Variants in ZNF91 observed in about 807,000 individuals in gnomAD.
ZNF91 encodes the protein zinc finger protein 91, also known as zinc finger protein 91 (HPF7, HTF10).
In ZNF91, 7 loss-of-function variants were observed where a neutral mutation model predicts 12.6. The ratio of observed to expected loss-of-function variants is 0.55; its 90% CI spans 0.31 to 1.04. The LOEUF (loss-of-function observed/expected upper bound fraction) is 1.04. ZNF91 is among the 50% of genes least tolerant of loss of function. ZNF91 has a pLI of 0.05. For missense variants in ZNF91, 1,217 were observed against 1,385.4 expected, an observed-to-expected ratio of 0.88 and a Z score of 1.93; for synonymous variants, 453 against 462.6, an observed-to-expected ratio of 0.98 and a Z score of 0.27.
intron 3 of ZNF91, among the ~76,000 whole-genome samples, chr19:23,368,562 C>CTCTCTCTCTCTATATATA (rs768532900): frequency 1.7e-5 from 2 of 118,632 alleles, no homozygotes; most frequent in African/African-American, 6.6e-5. Flanking sequence ...CTCTCTCTCT[C>CTCTCTCTCTCTATATATA]TATATATATA....
At chr19:23,386,997 T>C (rs1419953597) in intron 1 of ZNF91, among the ~76,000 whole-genome samples, 1 of 152,046 alleles carries the variant, frequency 6.6e-6, no homozygotes, top group African/African-American at 2.4e-5. Flanking sequence ...ACAAGAAACA[T>C]GAAAAAGATG....
chr19:23,327,636 TCTAA>T (rs1365348049), intron 1 of ZNF91: 1 of 152,220 alleles, frequency 6.6e-6, no homozygotes, highest in Non-Finnish European at 1.5e-5. Context: ...GACATAAGAT[TCTAA>T]CTTAGTTTCA....
upstream of ZNF91, among the ~76,000 whole-genome samples, chr19:23,311,940 G>C (rs1967479128): frequency 1.3e-5 from 2 of 151,624 alleles, no homozygotes; most frequent in Admixed American, 6.6e-5. Flanking sequence ...CATCACTGGA[G>C]CCAGCAGTAG....
upstream of ZNF91, among the ~76,000 whole-genome samples, chr19:23,315,144 TTGAC>T (rs1449837351): frequency 1.3e-5 from 2 of 152,214 alleles, no homozygotes; most frequent in Admixed American, 6.5e-5. Context: ...GTAACTCTCT[TTGAC>T]TGCTTAGCCT....
intron 1 of ZNF91, among the ~76,000 whole-genome samples, chr19:23,386,486 G>A (rs900965344): frequency 1.3e-5 from 2 of 152,014 alleles, no homozygotes; most frequent in African/African-American, 4.8e-5. Context: ...AACAGAATAG[G>A]GAGCCCAGAA....
intron 3 of ZNF91, among the ~76,000 whole-genome samples, chr19:23,369,978 G>A (rs1480714539): frequency 1.5e-5 from 2 of 132,306 alleles, no homozygotes; most frequent in Non-Finnish European, 3.2e-5. Context: ...CCCCCTCTCC[G>A]AGAAACACCC....
At chr19:23,322,732 TTC>T in intron 1 of ZNF91, among the ~76,000 whole-genome samples, 1 of 97,638 alleles carries the variant, frequency 1.0e-5, no homozygotes, top group Non-Finnish European at 2.4e-5. Context: ...TCCTCATCTC[TTC>T]TTCCTCCCCA....
chr19:23,335,225 G>C (rs1453080694), downstream of ZNF91, among the ~76,000 whole-genome samples: 2 of 152,198 alleles, frequency 1.3e-5, no homozygotes, highest in African/African-American at 2.4e-5. Flanking sequence ...TGAGATGTCA[G>C]TTGGCCCCTA....
At chr19:23,385,071 C>T in intron 1 of ZNF91, 3 of 1,022,478 alleles carry the variant, frequency 2.9e-6, no homozygotes, top group Non-Finnish European at 4.6e-6. Context: ...CATCTCAGTC[C>T]AGACAGGGCA....
chr19:23,315,102 G>T (rs1429254275), upstream of ZNF91, among the ~76,000 whole-genome samples: 1 of 152,106 alleles, frequency 6.6e-6, no homozygotes, highest in Non-Finnish European at 1.5e-5. Flanking sequence ...TCCTCTCAGG[G>T]GTCAGGTATT....
intron 1 of ZNF91, chr19:23,385,354 G>C (rs1227704324): frequency 5.4e-6 from 2 of 369,450 alleles, no homozygotes; most frequent in Admixed American, 4.4e-5. Flanking sequence ...ACTAACTGCA[G>C]TTGAACAGAA....
At chr19:23,321,369 T>C (rs1967690991) in intron 1 of ZNF91, among the ~76,000 whole-genome samples, 2 of 152,084 alleles carry the variant, frequency 1.3e-5, no homozygotes, top group African/African-American at 2.4e-5. Context: ...AGAAGGGACA[T>C]TGTGACACAT....
At chr19:23,306,113 A>G (rs1967395060) in intron 3 of ZNF91, among the ~76,000 whole-genome samples, 1 of 152,240 alleles carries the variant, frequency 6.6e-6, no homozygotes, top group Non-Finnish European at 1.5e-5. Flanking sequence ...ACAAAGATGT[A>G]GAAGGTGGAA....
At chr19:23,329,549 C>T (rs1404904626) in intron 1 of ZNF91, among the ~76,000 whole-genome samples, 1 of 152,148 alleles carries the variant, frequency 6.6e-6, no homozygotes, top group Non-Finnish European at 1.5e-5. Flanking sequence ...TGCTGTTTAT[C>T]TACTGGATGC....
chr19:23,355,081 G>A (rs295375), downstream of ZNF91, among the ~76,000 whole-genome samples: 15,786 of 151,926 alleles, frequency 0.1, 1,260 homozygotes, highest in East Asian at 0.37. Flanking sequence ...AAAAACCACC[G>A]TCATTCTTCA....
chr19:23,347,314 A>C (rs1599707061), intron 3 of ZNF91, among the ~76,000 whole-genome samples: 2 of 152,144 alleles, frequency 1.3e-5, no homozygotes, highest in East Asian at 3.9e-4. Context: ...CTGCAAAAAA[A>C]CACTCCTGTC....
At chr19:23,340,654 T>A (rs1968103069) in intron 3 of ZNF91, among the ~76,000 whole-genome samples, 1 of 151,902 alleles carries the variant, frequency 6.6e-6, no homozygotes, top group African/African-American at 2.4e-5. Context: ...ATAATAAAAC[T>A]CTTCCTAAGT....
At chr19:23,374,487 G>C in intron 2 of ZNF91, 151 bp downstream of exon 2, 3 of 767,882 alleles carry the variant, frequency 3.9e-6, no homozygotes. Context: ...GTGAACCTGG[G>C]AGGCAGAGCT....
chr19:23,309,984 A>G (rs1161059288), intron 1 of ZNF91, among the ~76,000 whole-genome samples: 1 of 152,124 alleles, frequency 6.6e-6, no homozygotes, highest in Non-Finnish European at 1.5e-5. Flanking sequence ...TGTGACATTC[A>G]TTTGTGAATT....
Sources: gnomAD v4.1 joint callset for allele counts (sites outside exome capture counted in the v4.1 genomes callset) on GRCh38, gnomAD v4.1.1 for gene constraint, MANE v1.5 for transcripts, NCBI Gene and HGNC (gene_info 2026-07-23, HGNC 2026-07-21) for gene names.